TOM1L2: variants seen among roughly 807,000 people sequenced by gnomAD.
The protein encoded by TOM1L2 is target of myb1 like 2 membrane trafficking protein, also known as TOM1-like protein 2.
TOM1L2 carries 31 observed loss-of-function variants against 67.9 expected under a neutral mutation model. That is an observed-to-expected ratio of 0.46 (90% confidence interval 0.34 to 0.62). The LOEUF (loss-of-function observed/expected upper bound fraction) is 0.62. TOM1L2 is among the 20% of genes least tolerant of loss of function. The pLI, the probability that TOM1L2 is intolerant of heterozygous loss-of-function variation, is 0.01. For missense variants in TOM1L2, 606 were observed against 663.5 expected (o/e 0.91, Z 0.95); for synonymous variants, 256 against 254.0 (o/e 1.01, Z -0.07).
intron 1 of TOM1L2, among the ~76,000 whole-genome samples, chr17:17,944,839 T>C (rs2040876274): frequency 6.6e-6 from 1 of 152,110 alleles, no homozygotes; most frequent in Non-Finnish European, 1.5e-5. Context: ...GGAGAACAAA[T>C]GCTCCCAGAG....
intron 7 of TOM1L2, among the ~76,000 whole-genome samples, chr17:17,878,218 G>A (rs2037523913): frequency 6.6e-6 from 1 of 152,270 alleles, no homozygotes; most frequent in Non-Finnish European, 1.5e-5. Flanking sequence ...CACATATTCA[G>A]CTGGATCTGC....
intron 2 of TOM1L2, among the ~76,000 whole-genome samples, chr17:17,898,976 T>C (rs969430609): frequency 6.6e-6 from 1 of 152,190 alleles, no homozygotes; most frequent in African/African-American, 2.4e-5. Context: ...TGCTATTAGT[T>C]GAGTTATAGA....
At chr17:17,960,038 C>T (rs1429068400) in intron 1 of TOM1L2, among the ~76,000 whole-genome samples, 1 of 152,206 alleles carries the variant, frequency 6.6e-6, no homozygotes, top group African/African-American at 2.4e-5. Context: ...AAAGCACGTC[C>T]TTTGAGGAAA....
chr17:17,926,870 G>T (rs1047775405), intron 1 of TOM1L2, among the ~76,000 whole-genome samples: 2 of 151,774 alleles, frequency 1.3e-5, no homozygotes, highest in African/African-American at 2.4e-5. Context: ...AAAAAAGGAA[G>T]AAAGAAAAAG....
chr17:17,928,499 CAA>C (rs2040189273), intron 1 of TOM1L2, among the ~76,000 whole-genome samples: 1 of 152,202 alleles, frequency 6.6e-6, no homozygotes, highest in Admixed American at 6.5e-5. Context: ...TGGAAAGGGT[CAA>C]AAGAGAACAC....
chr17:17,872,476 G>A (rs1215228877), intron 7 of TOM1L2, among the ~76,000 whole-genome samples: 1 of 152,206 alleles, frequency 6.6e-6, no homozygotes. Flanking sequence ...TTGGGCAGTA[G>A]ATTTACCCCA....
chr17:17,889,311 G>A (rs2038153503), intron 4 of TOM1L2, among the ~76,000 whole-genome samples: 1 of 152,196 alleles, frequency 6.6e-6, no homozygotes, highest in Non-Finnish European at 1.5e-5. Context: ...GATGGCAAAG[G>A]TGCCACTGGG....
At chr17:17,852,087 A>G (rs1422140064) in intron 12 of TOM1L2, among the ~76,000 whole-genome samples, 1 of 148,238 alleles carries the variant, frequency 6.7e-6, no homozygotes, top group African/African-American at 2.4e-5. Flanking sequence ...GCTCACTTGC[A>G]AGACCCCTAT....
Position 17,848,865 on chromosome 17 carries a change from G to A in TOM1L2, c.1339-6C>T, listed in dbSNP as rs2035803771. ...TCCTCCAGATCATCACCCTTCTGTGGGAGGAGCAGAGAAAATGAAATTAGG... is the reference window on the plus strand; with the variant it reads ...TCCTCCAGATCATCACCCTTCTGTGAGAGGAGCAGAGAAAATGAAATTAGG... On this transcript the variant is annotated splice_polypyrimidine_tract_variant and splice_region_variant and intron_variant, in intron 13 of 14. Coordinates refer to ENST00000379504, the MANE Select transcript of TOM1L2 (RefSeq NM_001082968.2). 3.1e-6 allele frequency: 5 copies of A among 1,614,160 alleles called. No individual in the cohort carries two copies. In the East Asian group the frequency reaches 1.1e-4, roughly 36 times the overall value.
At chr17:17,923,326 G>A (rs982742551) in intron 1 of TOM1L2, among the ~76,000 whole-genome samples, 2 of 151,972 alleles carry the variant, frequency 1.3e-5, no homozygotes, top group Non-Finnish European at 2.9e-5. Flanking sequence ...ACTTGAACCC[G>A]GGAGGTGGAG....
At chr17:17,947,070 T>C (rs1252731193) in intron 1 of TOM1L2, among the ~76,000 whole-genome samples, 1 of 151,970 alleles carries the variant, frequency 6.6e-6, no homozygotes, top group Non-Finnish European at 1.5e-5. Flanking sequence ...GTTAGGAAAG[T>C]ACTAACTAGT....
chr17:17,900,473 G>T (rs1046960532), intron 2 of TOM1L2, among the ~76,000 whole-genome samples: 6 of 141,036 alleles, frequency 4.3e-5, no homozygotes, highest in African/African-American at 1.6e-4. Context: ...AGTGAGCTGA[G>T]ATTATGCCAC....
chr17:17,941,851 G>A (rs999040200), intron 1 of TOM1L2, among the ~76,000 whole-genome samples: 3 of 152,176 alleles, frequency 2.0e-5, no homozygotes, highest in African/African-American at 4.8e-5. Flanking sequence ...TAAGCCAGGC[G>A]CAGTGGCATG....
At chr17:17,879,458 C>G (rs1398277356) in intron 7 of TOM1L2, among the ~76,000 whole-genome samples, 169 bp downstream of exon 7, 2 of 152,192 alleles carry the variant, frequency 1.3e-5, no homozygotes, top group Non-Finnish European at 2.9e-5. Flanking sequence ...GTACTGGCCT[C>G]TGCCTGTCCG....
At chr17:17,928,868 C>T (rs1268130393) in intron 1 of TOM1L2, among the ~76,000 whole-genome samples, 4 of 152,120 alleles carry the variant, frequency 2.6e-5, no homozygotes, top group African/African-American at 7.2e-5. Context: ...TATCAGAGAA[C>T]AATGCTTCCA....
intron 1 of TOM1L2, among the ~76,000 whole-genome samples, chr17:17,961,223 T>G (rs549879121): frequency 6.6e-6 from 1 of 151,644 alleles, no homozygotes; most frequent in South Asian, 2.1e-4. Context: ...AAAACCACAA[T>G]GAGACACCAA....
intron 1 of TOM1L2, among the ~76,000 whole-genome samples, chr17:17,907,794 A>T (rs1339390974): frequency 6.6e-6 from 1 of 152,188 alleles, no homozygotes; most frequent in African/African-American, 2.4e-5. Context: ...AAATCACCCC[A>T]AACATGAGGA....
chr17:17,946,685 T>C (rs8070462), intron 1 of TOM1L2, among the ~76,000 whole-genome samples: 5,770 of 152,262 alleles, frequency 0.038, 381 homozygotes, highest in African/African-American at 0.13. Context: ...AGGCCTGTTT[T>C]GCTCTCTAAA....
At chr17:17,860,309 C>T (rs547005157) in intron 12 of TOM1L2, among the ~76,000 whole-genome samples, 6 of 152,246 alleles carry the variant, frequency 3.9e-5, no homozygotes, top group Non-Finnish European at 8.8e-5. Flanking sequence ...GTGTCCCAGT[C>T]TCAGGGGTTC....
Sources: allele counts gnomAD v4.1 joint callset (sites outside exome capture counted in the v4.1 genomes callset), GRCh38; gene constraint gnomAD v4.1.1; transcripts MANE v1.5; gene names NCBI Gene and HGNC (gene_info 2026-07-23, HGNC 2026-07-21).